The following SLC44A1 variants were observed in gnomAD, a reference collection of about 807,000 sequenced individuals.
SLC44A1 encodes solute carrier family 44 member 1.
A neutral mutation model predicts 79.3 loss-of-function variants in SLC44A1; 26 were observed. The ratio of observed to expected loss-of-function variants is 0.33; its 90% CI spans 0.24 to 0.46. The LOEUF (loss-of-function observed/expected upper bound fraction) is 0.46, where lower values mean the gene tolerates loss of function less well. SLC44A1 is among the 20% of genes least tolerant of loss of function. The pLI is 1.00. For missense variants in SLC44A1, 688 were observed against 798.1 expected, an observed-to-expected ratio of 0.86 and a Z score of 1.66; for synonymous variants, 263 against 286.2, an observed-to-expected ratio of 0.92 and a Z score of 0.82.
Position 105,410,650 on chromosome 9 carries a change from C to T in SLC44A1, c.1950+25148C>T, listed in dbSNP as rs748011252. On this transcript the variant is annotated intron_variant, in intron 15 of 15. Transcript: ENST00000374724. ...CTTGGAAAACAGTTTGGCAGTTTCT[C>T]GATAAGTTAAACATAGAATTACCAT... Among the ~76,000 whole-genome samples the T allele has an allele frequency of 7.2e-5, 11 of 152,178 alleles. No individual in the cohort carries two copies. The South Asian group carries it at 1.0e-3, about 14-fold the overall frequency.
At chr9:105,427,302 G>A (rs1391813042) in intron 15 of SLC44A1, among the ~76,000 whole-genome samples, 1 of 152,000 alleles carries the variant, frequency 6.6e-6, no homozygotes, top group Non-Finnish European at 1.5e-5. Flanking sequence ...GCAGGACCAA[G>A]TTATAATATT....
At chr9:105,245,386 C>G (rs1168542407) in intron 1 of SLC44A1, among the ~76,000 whole-genome samples, 1 of 152,228 alleles carries the variant, frequency 6.6e-6, no homozygotes, top group Non-Finnish European at 1.5e-5. Flanking sequence ...CACCGAATTC[C>G]AGTTTCTGCT....
intron 15 of SLC44A1, among the ~76,000 whole-genome samples, chr9:105,406,017 C>G (rs919141022): frequency 6.6e-6 from 1 of 152,140 alleles, no homozygotes; most frequent in Non-Finnish European, 1.5e-5. Context: ...TCTGGCTAAC[C>G]TTTCGATGCA....
chr9:105,289,530 A>G (rs1830555157), intron 1 of SLC44A1, among the ~76,000 whole-genome samples: 1 of 152,240 alleles, frequency 6.6e-6, no homozygotes, highest in South Asian at 2.1e-4. Context: ...TGTGCTGTAG[A>G]AACACAAAGG....
At chr9:105,416,199 C>G (rs1829168574) in intron 15 of SLC44A1, among the ~76,000 whole-genome samples, 1 of 151,438 alleles carries the variant, frequency 6.6e-6, no homozygotes, top group African/African-American at 2.4e-5. Context: ...ACCCAGCCTA[C>G]TGAACTTTTT....
rs1034788813 is a variant in SLC44A1, at chr9:105,396,254, T to C, written c.*7198T>C. 1.0e-6 allele frequency: 1 copy of C among 985,076 alleles called. No individual in the cohort carries two copies. Among genetic ancestry groups the C allele is most frequent in the Non-Finnish European group, 1.2e-6 (1 of 829,600 alleles). The allele number at this position is 985,076 out of a possible 1,614,324, so 61.0% of individuals were successfully genotyped here. Reference sequence around the variant, plus strand: ...TCTCAGAATATTCTGGACCACTGAATGCACTTCTAATAGAGCTTTAATCTA... The same window carrying C: ...TCTCAGAATATTCTGGACCACTGAACGCACTTCTAATAGAGCTTTAATCTA... On this transcript the variant is annotated 3_prime_UTR_variant, in exon 16 of 16. Transcript: ENST00000374720.
intron 4 of SLC44A1, among the ~76,000 whole-genome samples, 161 bp from the exon 5 acceptor site, chr9:105,348,197 G>C (rs113845952): frequency 1.1e-4 from 17 of 152,158 alleles, no homozygotes; most frequent in African/African-American, 3.9e-4. Flanking sequence ...AGAAGAATCA[G>C]TTTTAAATGA....
chr9:105,362,054 G>T (rs759054163), intron 8 of SLC44A1, among the ~76,000 whole-genome samples: 1 of 141,102 alleles, frequency 7.1e-6, no homozygotes, highest in Admixed American at 6.8e-5. Flanking sequence ...TTGTGTGTGC[G>T]TGTGTGTGCG....
intron 1 of SLC44A1, 62 bp downstream of exon 1, chr9:105,244,966 C>CG: frequency 1.2e-6 from 1 of 803,004 alleles, no homozygotes; most frequent in South Asian, 5.7e-5. Context: ...CGTCGCGCGG[C>CG]GGGCGCCCGC....
At chr9:105,387,893 C>G (rs1193711686) in intron 15 of SLC44A1, among the ~76,000 whole-genome samples, 1 of 152,176 alleles carries the variant, frequency 6.6e-6, no homozygotes, top group Non-Finnish European at 1.5e-5. Flanking sequence ...CTACCAGATG[C>G]CAAATATTTT....
At chr9:105,430,897 T>G (rs564405919) in intron 15 of SLC44A1, among the ~76,000 whole-genome samples, 4 of 152,342 alleles carry the variant, frequency 2.6e-5, no homozygotes. Context: ...CAGCAATGTA[T>G]GAGGGTTCCA....
intron 15 of SLC44A1, among the ~76,000 whole-genome samples, chr9:105,408,133 G>A (rs375318044): frequency 1.5e-3 from 230 of 152,174 alleles, no homozygotes; most frequent in Non-Finnish European, 2.5e-3. Flanking sequence ...CAGCCTGGGC[G>A]ACAGACTGAG....
chr9:105,352,043 T>C (rs983529094), intron 5 of SLC44A1, among the ~76,000 whole-genome samples: 1 of 152,082 alleles, frequency 6.6e-6, no homozygotes, highest in Admixed American at 6.6e-5. Flanking sequence ...GGAGGATCGC[T>C]TGAGTCTGGA....
intron 15 of SLC44A1, among the ~76,000 whole-genome samples, chr9:105,430,034 G>A (rs1014011127): frequency 2.0e-5 from 3 of 152,046 alleles, no homozygotes; most frequent in Non-Finnish European, 4.4e-5. Flanking sequence ...AGCCCCCTGA[G>A]TAGCTGGGAC....
At position 105,394,908 on chromosome 9, in the gene SLC44A1, C is replaced by G. The variant is rs772047729; in HGVS notation, c.*5852C>G. The G allele has an allele frequency of 1.0e-5, 10 of 985,488 alleles. No homozygotes were observed. Among genetic ancestry groups the G allele is most frequent in the Non-Finnish European group, 1.2e-5 (10 of 829,970 alleles). The allele number at this position is 985,488 out of a possible 1,614,324, so 61.0% of individuals were successfully genotyped here. A position where few individuals can be genotyped will look rare whatever the true frequency, so the allele number is the denominator to read the frequency against. On this transcript the variant is annotated 3_prime_UTR_variant, in exon 16 of 16. Transcript: ENST00000374720. ...GCCAATAGAACTCCACCCCCAGTCCCTTACCTACTCTATCTTCTTTAGGGA... is the reference window on the plus strand; with the variant it reads ...GCCAATAGAACTCCACCCCCAGTCCGTTACCTACTCTATCTTCTTTAGGGA...
intron 15 of SLC44A1, among the ~76,000 whole-genome samples, chr9:105,419,683 G>C (rs1256980282): frequency 6.6e-6 from 1 of 152,182 alleles, no homozygotes; most frequent in Non-Finnish European, 1.5e-5. Context: ...GGGAGGCCGA[G>C]GTGGGTGGAT....
At chr9:105,415,647 GGCCTCCAATACTAAAGGCATTTAGTGTTT>G (rs377578196) in intron 15 of SLC44A1, among the ~76,000 whole-genome samples, 22 of 152,200 alleles carry the variant, frequency 1.4e-4, no homozygotes, top group African/African-American at 4.6e-4. Flanking sequence ...TCTCTAATGG[GGCCTCCAATACTAAAGGCATTTAGTGTTT>G]GCATTCTAAC....
chr9:105,410,470 G>C (rs1037809816), intron 15 of SLC44A1, among the ~76,000 whole-genome samples: 1 of 152,124 alleles, frequency 6.6e-6, no homozygotes, highest in Non-Finnish European at 1.5e-5. Flanking sequence ...AGCACATAAA[G>C]AGATGCTCAA....
intron 15 of SLC44A1, among the ~76,000 whole-genome samples, chr9:105,423,147 A>G (rs1390102111): frequency 6.6e-6 from 1 of 152,124 alleles, no homozygotes; most frequent in Non-Finnish European, 1.5e-5. Context: ...TGTATTAAAA[A>G]TCTCAAGAAT....
Sources: gnomAD v4.1 joint callset for allele counts (sites outside exome capture counted in the v4.1 genomes callset) on GRCh38, gnomAD v4.1.1 for gene constraint, MANE v1.5 for transcripts, NCBI Gene and HGNC (gene_info 2026-07-23, HGNC 2026-07-21) for gene names.